The following KYNU variants were observed in gnomAD, a reference collection of about 807,000 sequenced individuals.
KYNU encodes the protein kynureninase.
In KYNU, 54 loss-of-function variants were observed where a neutral mutation model predicts 59.2. The observed-to-expected ratio is 0.91, with a 90% confidence interval of 0.73 to 1.14. The LOEUF (loss-of-function observed/expected upper bound fraction) is 1.14. Among genes scored for constraint, KYNU ranks in the 50% most tolerant of loss-of-function variants. The probability of loss-of-function intolerance (pLI) is 0.00; values close to 1 mark genes in which losing one functional copy is unlikely to be tolerated. For synonymous variants in KYNU, 177 were observed against 192.0 expected, an observed-to-expected ratio of 0.92 and a Z score of 0.65; for missense variants, 567 against 554.4, an observed-to-expected ratio of 1.02 and a Z score of -0.23.
intron 3 of KYNU, among the ~76,000 whole-genome samples, chr2:142,924,235 G>A (rs778333187): frequency 6.6e-6 from 1 of 152,024 alleles, no homozygotes; most frequent in African/African-American, 2.4e-5. Flanking sequence ...CTCCTGAGTA[G>A]CTACGACTAT....
At chr2:142,926,288 AG>A (rs1174426764) in intron 3 of KYNU, among the ~76,000 whole-genome samples, 4 of 152,202 alleles carry the variant, frequency 2.6e-5, no homozygotes, top group African/African-American at 9.7e-5. Context: ...TAAAAAAAAA[AG>A]TCAGAGGAAT....
In KYNU at chr2:143,046,463, A is replaced by G. The variant is rs968907847; in HGVS notation, c.*4291A>G. The G allele has an allele frequency of 3.5e-4, 54 of 152,170 alleles. No homozygotes were observed. Among genetic ancestry groups the G allele is most frequent in the African/African-American group, 1.3e-3 (54 of 41,548 alleles). The allele number at this position is 152,170 out of a possible 1,614,324, so 9.4% of individuals were successfully genotyped here. On this transcript the variant is annotated 3_prime_UTR_variant, in exon 14 of 14. Transcript: ENST00000264170. ...TATGTTACAAGTAATTTTGTAAATG[A>G]TGTGAGGTGGTGATTCTATTTCATT... is the stretch of plus-strand genomic sequence containing the variant.
chr2:142,963,070 T>C (rs1035555068), intron 8 of KYNU, among the ~76,000 whole-genome samples: 2 of 152,140 alleles, frequency 1.3e-5, no homozygotes, highest in Non-Finnish European at 2.9e-5. Context: ...GATGGAGCAA[T>C]GAGAGTCAAT....
Position 142,960,671 on chromosome 2 carries a change from G to T in KYNU, c.630G>T (p.Lys210Asn), listed in dbSNP as rs575687340. The T allele has an allele frequency of 2.5e-6, 4 of 1,613,356 alleles. No individual in the cohort carries two copies. The South Asian group carries it at 4.4e-5, about 18-fold the overall frequency. ...AGGATATCCTTGAAGTAATTGAGAAGGAAGGAGACTCAATTGCAGTGATCC... is the reference window on the plus strand; with the variant it reads ...AGGATATCCTTGAAGTAATTGAGAATGAAGGAGACTCAATTGCAGTGATCC... ...RIEDILEVIEKEGDSIAVILF... is the reference protein window; with the variant it reads ...RIEDILEVIENEGDSIAVILF... The change falls in exon 8 of 14, where the codon AAG (lysine) becomes AAT (asparagine). Residue 210 changes from lysine to asparagine, a missense_variant. Lys to Asn is a moderately conservative substitution (Grantham distance 94). Coordinates refer to ENST00000264170, the MANE Select transcript of KYNU (RefSeq NM_003937.3).
At chr2:142,911,343 T>C (rs535993208) in intron 2 of KYNU, among the ~76,000 whole-genome samples, 2 of 152,304 alleles carry the variant, frequency 1.3e-5, no homozygotes, top group Admixed American at 6.5e-5. Context: ...GATTGTATTA[T>C]TGATTTGGCT....
At chr2:142,895,216 CA>C (rs1681828994) in intron 2 of KYNU, among the ~76,000 whole-genome samples, 1 of 152,070 alleles carries the variant, frequency 6.6e-6, no homozygotes, top group Non-Finnish European at 1.5e-5. Context: ...ATTATATTAA[CA>C]CACCTTCTCT....
chr2:142,896,223 G>A (rs1681873381), intron 2 of KYNU, among the ~76,000 whole-genome samples: 1 of 152,178 alleles, frequency 6.6e-6, no homozygotes, highest in Admixed American at 6.5e-5. Flanking sequence ...CAGAGTGGCT[G>A]TACCATTTTG....
intron 8 of KYNU, among the ~76,000 whole-genome samples, chr2:142,970,028 G>T (rs1316511694): frequency 6.6e-6 from 1 of 152,068 alleles, no homozygotes; most frequent in Middle Eastern, 3.2e-3. Context: ...CCATAAAAGT[G>T]GAAAAGGAAG....
chr2:142,980,754 T>C (rs1685030082), intron 8 of KYNU, among the ~76,000 whole-genome samples: 1 of 152,112 alleles, frequency 6.6e-6, no homozygotes, highest in Admixed American at 6.6e-5. Flanking sequence ...TGAGTGTGAT[T>C]GTATCAACAT....
chr2:142,927,618 C>A, intron 3 of KYNU, 41 bp from the exon 4 acceptor site: 2 of 1,395,410 alleles, frequency 1.4e-6, no homozygotes, highest in Non-Finnish European at 2.0e-6. Context: ...CACACATGCA[C>A]ATAAAAGCTA....
chr2:143,001,311 G>A (rs568909681), intron 10 of KYNU, among the ~76,000 whole-genome samples: 1 of 152,244 alleles, frequency 6.6e-6, no homozygotes, highest in Admixed American at 6.5e-5. Flanking sequence ...GACAGGGATG[G>A]TGGGCAGAGA....
intron 2 of KYNU, among the ~76,000 whole-genome samples, chr2:142,888,892 T>C (rs530767492): frequency 6.7e-6 from 1 of 148,716 alleles, no homozygotes; most frequent in African/African-American, 2.5e-5. Flanking sequence ...ATAACCAAAC[T>C]TAGAAACAAT....
intron 8 of KYNU, among the ~76,000 whole-genome samples, chr2:142,983,150 G>T (rs1685097713): frequency 6.7e-6 from 1 of 148,718 alleles, no homozygotes; most frequent in South Asian, 2.1e-4. Flanking sequence ...TCATGTTTCT[G>T]TGGCAAACTG....
At chr2:143,007,710 C>G (rs1336209650) in intron 10 of KYNU, among the ~76,000 whole-genome samples, 2 of 121,478 alleles carry the variant, frequency 1.6e-5, no homozygotes, top group Admixed American at 1.6e-4. Flanking sequence ...GCGGATCTCT[C>G]GGCAGAAACC....
At chr2:142,935,943 C>T (rs145746195) in intron 4 of KYNU, among the ~76,000 whole-genome samples, 90 of 152,004 alleles carry the variant, frequency 5.9e-4, no homozygotes, top group African/African-American at 1.8e-3. Context: ...CCTGATGGGA[C>T]GGTGTAGGAA....
chr2:143,003,797 T>C (rs1685782859), intron 10 of KYNU, among the ~76,000 whole-genome samples: 1 of 152,114 alleles, frequency 6.6e-6, no homozygotes, highest in Non-Finnish European at 1.5e-5. Flanking sequence ...TAATAACTGA[T>C]AAGACTCAAA....
intron 4 of KYNU, among the ~76,000 whole-genome samples, chr2:142,929,359 CAAAAAAA>C (rs5834929): frequency 7.5e-5 from 8 of 106,450 alleles, no homozygotes; most frequent in Non-Finnish European, 1.4e-4. Context: ...TTGCCTTTCT[CAAAAAAA>C]AAAAAAAAAA....
intron 10 of KYNU, among the ~76,000 whole-genome samples, chr2:143,012,146 G>A (rs1329923509): frequency 2.0e-5 from 3 of 151,776 alleles, no homozygotes; most frequent in Non-Finnish European, 2.9e-5. Flanking sequence ...AATACAAAAT[G>A]TTTCCTGCGA....
At chr2:142,905,409 G>GT (rs1169719923) in intron 2 of KYNU, among the ~76,000 whole-genome samples, 1 of 152,118 alleles carries the variant, frequency 6.6e-6, no homozygotes, top group African/African-American at 2.4e-5. Flanking sequence ...ACCCATTGTG[G>GT]TTTTTTTCTC....
Sources: gnomAD v4.1 joint callset for allele counts (sites outside exome capture counted in the v4.1 genomes callset) on GRCh38, gnomAD v4.1.1 for gene constraint, MANE v1.5 for transcripts, NCBI Gene and HGNC (gene_info 2026-07-23, HGNC 2026-07-21) for gene names.